Variants in MAPK1IP1L observed in about 807,000 individuals in gnomAD.
MAPK1IP1L encodes the protein mitogen-activated protein kinase 1 interacting protein 1 like, also known as MAPK-interacting and spindle-stabilizing protein-like.
MAPK1IP1L carries 10 observed loss-of-function variants against 18.1 expected under a neutral mutation model. The observed-to-expected ratio is 0.55, with a 90% CI of 0.34 to 0.94. The LOEUF (loss-of-function observed/expected upper bound fraction) is 0.94. Among genes scored for constraint, MAPK1IP1L ranks in the 40% least tolerant of loss-of-function variants. The probability of loss-of-function intolerance (pLI) is 0.02; values close to 1 mark genes in which losing one functional copy is unlikely to be tolerated. For synonymous variants in MAPK1IP1L, 115 were observed against 117.3 expected, an observed-to-expected ratio of 0.98 and a Z score of 0.13; for missense variants, 260 against 318.2, an observed-to-expected ratio of 0.82 and a Z score of 1.39.
intron 1 of MAPK1IP1L, chr14:55,060,626 A>C (rs2042810712): frequency 6.6e-6 from 1 of 152,242 alleles, no homozygotes; most frequent in Non-Finnish European, 1.5e-5. Flanking sequence ...AAGCAAAATT[A>C]AGTCAAAAAT....
intron 1 of MAPK1IP1L, among the ~76,000 whole-genome samples, chr14:55,057,585 C>T (rs1198471827): frequency 6.6e-6 from 1 of 151,964 alleles, no homozygotes; most frequent in Non-Finnish European, 1.5e-5. Flanking sequence ...GGTGAAACCC[C>T]GTCTCTACTA....
chr14:55,051,977 G>C (rs1003910621), intron 1 of MAPK1IP1L, among the ~76,000 whole-genome samples, 174 bp downstream of exon 1: 4 of 152,120 alleles, frequency 2.6e-5, no homozygotes, highest in South Asian at 4.1e-4. Flanking sequence ...CGTTTCTATC[G>C]GTCGCCTTCC....
rs2296492 is a variant in MAPK1IP1L, at chr14:55,051,776, A to G, written c.-32A>G. 2.3e-3 allele frequency: 1,164 copies of G among 507,998 alleles called. 34 individuals carry two copies. In the East Asian group the frequency reaches 0.058, roughly 25 times the overall value. 31.5% of individuals were successfully genotyped at this position (507,998 alleles called of 1,614,324 possible). On this transcript the variant is annotated 5_prime_UTR_variant, in exon 1 of 4. Transcript: ENST00000395468. ...CCCTCGGACCCATCGCCGCTTCTAGACCCTACTGCGGTCTCGGATATTGCC... is the reference window on the plus strand; with the variant it reads ...CCCTCGGACCCATCGCCGCTTCTAGGCCCTACTGCGGTCTCGGATATTGCC...
Position 55,068,352 on chromosome 14 carries a change from C to T in MAPK1IP1L, c.*3725C>T, listed in dbSNP as rs1179274476. The T allele has an allele frequency of 1.3e-5, 2 of 152,612 alleles. No homozygotes were observed. The highest frequency in any genetic ancestry group is 6.5e-5 in the Admixed American group (1 of 15,280). 9.5% of individuals were successfully genotyped at this position (152,612 alleles called of 1,614,324 possible). ...AATAATTAGTGCTACCTGGGGTACTCTCAAATATACAGCTTTTGAAACTGT... is the reference window on the plus strand; with the variant it reads ...AATAATTAGTGCTACCTGGGGTACTTTCAAATATACAGCTTTTGAAACTGT... On this transcript the variant is annotated 3_prime_UTR_variant, in exon 4 of 4. Transcript: ENST00000395468.
At chr14:55,057,705 A>G (rs1393665397) in intron 1 of MAPK1IP1L, among the ~76,000 whole-genome samples, 1 of 152,008 alleles carries the variant, frequency 6.6e-6, no homozygotes, top group African/African-American at 2.4e-5. Flanking sequence ...ACAGTGAACC[A>G]AGATCGCGCC....
rs1221018345 is a variant in MAPK1IP1L, at chr14:55,068,092, CT to C, written c.*3466del. ...GCTTTTGAAGACACCATTTACAGCTCTGACTCAGCCCTATTTTGTGTAAAGT... is the reference window on the plus strand; with the variant it reads ...GCTTTTGAAGACACCATTTACAGCTCGACTCAGCCCTATTTTGTGTAAAGT... On this transcript the variant is annotated 3_prime_UTR_variant, in exon 4 of 4. Transcript: ENST00000395468. 3 of 152,220 alleles carry C rather than the reference CT, an allele frequency of 2.0e-5. No individual in the cohort carries two copies. Among genetic ancestry groups the C allele is most frequent in the Non-Finnish European group, 4.4e-5 (3 of 68,060 alleles). 9.4% of individuals were successfully genotyped at this position (152,220 alleles called of 1,614,324 possible).
rs1256129416 is a variant in MAPK1IP1L, at chr14:55,051,866, C to T, written c.-5+63C>T. 8 of 426,394 alleles carry T rather than the reference C, an allele frequency of 1.9e-5. No homozygotes were observed. In the Admixed American group the frequency reaches 2.0e-4, roughly 11 times the overall value. The allele number at this position is 426,394 out of a possible 1,614,324, so 26.4% of individuals were successfully genotyped here. A position where few individuals can be genotyped will look rare whatever the true frequency, so the allele number is the denominator to read the frequency against. ...GAATCGGGGAGCTGGGGTTGCGGAG[C>T]CCGCGGGCGCGGCCAAGCGGGAAGC... On this transcript the variant is annotated intron_variant, in intron 1 of 3. Transcript: ENST00000395468.
Position 55,065,782 on chromosome 14 carries a change from G to C in MAPK1IP1L, c.*1155G>C, listed in dbSNP as rs1182099136. 1 of 152,132 alleles carries C rather than the reference G, an allele frequency of 6.6e-6. No homozygotes were observed. 9.4% of individuals were successfully genotyped at this position (152,132 alleles called of 1,614,324 possible). A position where few individuals can be genotyped will look rare whatever the true frequency, so the allele number is the denominator to read the frequency against. ...CATTGTCTACTGCATAGTTTCCTGA[G>C]TCTGTTTGTAAAGTGCTTATGGCTA... On this transcript the variant is annotated 3_prime_UTR_variant, in exon 4 of 4. Coordinates refer to ENST00000395468, the MANE Select transcript of MAPK1IP1L (RefSeq NM_144578.4).
rs1344775776 is a variant in MAPK1IP1L, at chr14:55,069,752, G to A, written c.*5125G>A. On this transcript the variant is annotated 3_prime_UTR_variant, in exon 4 of 4. Transcript: ENST00000395468. ...TCAGCAACATGGTGTCCATTGTGGT[G>A]ATTTTCTCTTCTTTTAAGGCTAGGC... 2 of 152,158 alleles carry A rather than the reference G, an allele frequency of 1.3e-5. No individual in the cohort carries two copies. Among genetic ancestry groups the A allele is most frequent in the African/African-American group, 4.8e-5 (2 of 41,440 alleles). 9.4% of individuals were successfully genotyped at this position (152,158 alleles called of 1,614,324 possible).
intron 1 of MAPK1IP1L, among the ~76,000 whole-genome samples, chr14:55,058,092 A>G (rs900605772): frequency 1.3e-5 from 2 of 152,200 alleles, no homozygotes; most frequent in African/African-American, 4.8e-5. Context: ...ACTGGACGCC[A>G]TCCCAGCACA....
chr14:55,064,708 G>C lies in MAPK1IP1L; in HGVS notation c.*81G>C. ...ATGAATGCATATATAAAAATTGCTG[G>C]TTTCACTATTAGAGGGCATTCATGA... On this transcript the variant is annotated 3_prime_UTR_variant, in exon 4 of 4. Coordinates refer to ENST00000395468, the MANE Select transcript of MAPK1IP1L (RefSeq NM_144578.4). 1 of 1,407,452 alleles carries C rather than the reference G, an allele frequency of 7.1e-7. No homozygotes were observed. The highest frequency in any genetic ancestry group is 1.2e-5 in the South Asian group (1 of 82,834). The allele number at this position is 1,407,452 out of a possible 1,614,324, so 87.2% of individuals were successfully genotyped here.
chr14:55,063,408 A>G (rs1320601118), intron 3 of MAPK1IP1L, 83 bp downstream of exon 3: 1 of 1,221,320 alleles, frequency 8.2e-7, no homozygotes, highest in Non-Finnish European at 1.1e-6. Context: ...TGGATGGAAG[A>G]TTAAGAAGGC....
In MAPK1IP1L at chr14:55,064,927, A is replaced by T; in HGVS notation, c.*300A>T. 3.7e-6 allele frequency: 1 copy of T among 273,084 alleles called. No individual in the cohort carries two copies. Among genetic ancestry groups the T allele is most frequent in the Non-Finnish European group, 6.8e-6 (1 of 147,038 alleles). 16.9% of individuals were successfully genotyped at this position (273,084 alleles called of 1,614,324 possible). ...TGACAGAATTTGTTTAAACTATGAAACTACACACTTAAAAATCTAAGATGT... is the reference window on the plus strand; with the variant it reads ...TGACAGAATTTGTTTAAACTATGAATCTACACACTTAAAAATCTAAGATGT... On this transcript the variant is annotated 3_prime_UTR_variant, in exon 4 of 4. Coordinates refer to ENST00000395468, the MANE Select transcript of MAPK1IP1L (RefSeq NM_144578.4).
rs1287459913 is a variant in MAPK1IP1L, at chr14:55,065,574, CT to C, written c.*950del. 6.6e-6 allele frequency: 1 copy of C among 152,126 alleles called. No individual in the cohort carries two copies. Among genetic ancestry groups the C allele is most frequent in the Non-Finnish European group, 1.5e-5 (1 of 68,040 alleles). The allele number at this position is 152,126 out of a possible 1,614,324, so 9.4% of individuals were successfully genotyped here. A position where few individuals can be genotyped will look rare whatever the true frequency, so the allele number is the denominator to read the frequency against. On this transcript the variant is annotated 3_prime_UTR_variant, in exon 4 of 4. Transcript: ENST00000395468. ...ACCCCCACCCCACTTGCCCTTGGTT[CT>C]TTAGAAGGAGCACACACATCCCTTG...
chr14:55,062,654 A>C lies in MAPK1IP1L; in HGVS notation c.55A>C (p.Thr19Pro). 2 of 1,613,442 alleles carry C rather than the reference A, an allele frequency of 1.2e-6. No homozygotes were observed. The highest frequency in any genetic ancestry group is 2.2e-5 in the South Asian group (2 of 91,036). ...DALPEHSPAKTSAVSNTKPGQ... is the reference protein window; with the variant it reads ...DALPEHSPAKPSAVSNTKPGQ... Reference sequence around the variant, plus strand: ...ACTACCTGAACACTCCCCTGCCAAAACCTCTGCTGTGAGCAATACAAAACC... The same window carrying C: ...ACTACCTGAACACTCCCCTGCCAAACCCTCTGCTGTGAGCAATACAAAACC... Residue 19 changes from threonine (T) to proline (P), a missense_variant, in exon 3 of 4, where the codon ACC becomes CCC. Physicochemically the swap from Thr to Pro is conservative, Grantham distance 38. Coordinates refer to ENST00000395468, the MANE Select transcript of MAPK1IP1L (RefSeq NM_144578.4).
Position 55,062,565 on chromosome 14 carries a change from G to A in MAPK1IP1L, c.19-53G>A, listed in dbSNP as rs1815322633. The A allele has an allele frequency of 4.9e-6, 7 of 1,427,290 alleles. No individual in the cohort carries two copies. In the South Asian group the frequency reaches 5.4e-5, roughly 11 times the overall value. 88.4% of individuals were successfully genotyped at this position (1,427,290 alleles called of 1,614,324 possible). ...CTATTCTCTGTGGGTTTATAATGGT[G>A]TTCGATGTAACTTTTCCCTAGATAG... On this transcript the variant is annotated intron_variant, in intron 2 of 3. Transcript: ENST00000395468.
intron 3 of MAPK1IP1L, among the ~76,000 whole-genome samples, 199 bp from the exon 4 acceptor site, chr14:55,064,417 C>T (rs1246510567): frequency 6.6e-6 from 1 of 152,180 alleles, no homozygotes; most frequent in Non-Finnish European, 1.5e-5. Context: ...CCTAAAACTT[C>T]CTCCTTGCAT....
intron 1 of MAPK1IP1L, among the ~76,000 whole-genome samples, chr14:55,059,686 C>T (rs1237194947): frequency 6.6e-6 from 1 of 152,190 alleles, no homozygotes; most frequent in Non-Finnish European, 1.5e-5. Context: ...TGCTTCTCTC[C>T]TTGTCATTAG....
chr14:55,062,646 C>G lies in MAPK1IP1L; in HGVS notation c.47C>G (p.Pro16Arg), dbSNP rs763496056. The G allele has an allele frequency of 6.2e-7, 1 of 1,613,646 alleles. No homozygotes were observed. Among genetic ancestry groups the G allele is most frequent in the African/African-American group, 1.3e-5 (1 of 74,898 alleles). The part of the protein sequence containing the change: ...SLADALPEHS[P>R]AKTSAVSNTK... ...GCAGATGCACTACCTGAACACTCCCCTGCCAAAACCTCTGCTGTGAGCAAT... is the reference window on the plus strand; with the variant it reads ...GCAGATGCACTACCTGAACACTCCCGTGCCAAAACCTCTGCTGTGAGCAAT... The change falls in exon 3 of 4, where the codon CCT (proline) becomes CGT (arginine). Residue 16 changes from proline to arginine, a missense_variant. By Grantham distance (103) the Pro-to-Arg change is moderately radical (BLOSUM62 -2). Transcript: ENST00000395468.
Sources: allele counts gnomAD v4.1 joint callset (sites outside exome capture counted in the v4.1 genomes callset), GRCh38; gene constraint gnomAD v4.1.1; transcripts MANE v1.5; gene names NCBI Gene and HGNC (gene_info 2026-07-23, HGNC 2026-07-21).